TRPM3: variants seen among roughly 807,000 people sequenced by gnomAD.
TRPM3 encodes the protein transient receptor potential cation channel subfamily M member 3, also known as long transient receptor potential channel 3.
In TRPM3, 77 loss-of-function variants were observed where a neutral mutation model predicts 181.2. The observed-to-expected ratio is 0.42, with a 90% CI of 0.35 to 0.51. The LOEUF is 0.51. Among genes scored for constraint, TRPM3 ranks in the 20% least tolerant of loss-of-function variants. The pLI, the probability that TRPM3 is intolerant of heterozygous loss-of-function variation, is 0.01. For synonymous variants in TRPM3, 745 were observed against 796.4 expected, an observed-to-expected ratio of 0.94 and a Z score of 1.09; for missense variants, 1,759 against 2,196.7, an observed-to-expected ratio of 0.80 and a Z score of 3.98.
intron 5 of TRPM3, among the ~76,000 whole-genome samples, chr9:70,828,597 A>T (rs1416830439): frequency 6.6e-6 from 1 of 152,136 alleles, no homozygotes; most frequent in Non-Finnish European, 1.5e-5. Flanking sequence ...GATATGAATC[A>T]GGCCCAAAAT....
At chr9:70,907,859 T>A (rs1429658942) in intron 1 of TRPM3, among the ~76,000 whole-genome samples, 1 of 152,214 alleles carries the variant, frequency 6.6e-6, no homozygotes, top group Admixed American at 6.5e-5. Flanking sequence ...TCCAGCTGCA[T>A]CTACGCTGCT....
intron 25 of TRPM3, among the ~76,000 whole-genome samples, chr9:70,545,634 C>T (rs1319074828): frequency 1.3e-5 from 2 of 149,048 alleles, no homozygotes; most frequent in Non-Finnish European, 3.0e-5. Context: ...GCAGCCTCCA[C>T]CTCCCGGGTT....
At chr9:70,840,155 C>T (rs543164134) in intron 5 of TRPM3, among the ~76,000 whole-genome samples, 1 of 152,208 alleles carries the variant, frequency 6.6e-6, no homozygotes, top group Non-Finnish European at 1.5e-5. Context: ...GTCATAAATC[C>T]TGTACACCAA....
intron 1 of TRPM3, among the ~76,000 whole-genome samples, chr9:71,201,560 G>A (rs866279964): frequency 2.4e-4 from 36 of 152,258 alleles, no homozygotes; most frequent in Non-Finnish European, 4.4e-4. Context: ...TTTCTTGGAG[G>A]CTTTGTTCGT....
intron 1 of TRPM3, among the ~76,000 whole-genome samples, chr9:71,349,584 G>A (rs2091483808): frequency 6.6e-6 from 1 of 152,098 alleles, no homozygotes; most frequent in South Asian, 2.1e-4. Context: ...GTGTACGTTT[G>A]CCAAAACCAA....
chr9:71,328,157 C>CTGTTTTT (rs745499895), intron 1 of TRPM3, among the ~76,000 whole-genome samples: 23 of 151,426 alleles, frequency 1.5e-4, no homozygotes, highest in Non-Finnish European at 2.7e-4. Flanking sequence ...TCTGACCTCT[C>CTGTTTTT]TGTTTTTTGT....
At chr9:71,352,445 T>C (rs2091694997) in intron 1 of TRPM3, among the ~76,000 whole-genome samples, 1 of 152,130 alleles carries the variant, frequency 6.6e-6, no homozygotes, top group South Asian at 2.1e-4. Flanking sequence ...AAATGATGAT[T>C]CTCTGTTTAT....
chr9:70,654,046 A>G (rs1290101278), intron 9 of TRPM3, among the ~76,000 whole-genome samples: 1 of 150,560 alleles, frequency 6.6e-6, no homozygotes, highest in African/African-American at 2.4e-5. Flanking sequence ...GTGGCTAAGC[A>G]CAGTTTACAG....
chr9:71,071,929 C>G (rs2062821020), intron 1 of TRPM3, among the ~76,000 whole-genome samples: 1 of 152,128 alleles, frequency 6.6e-6, no homozygotes, highest in Admixed American at 6.5e-5. Flanking sequence ...GGAGACATCA[C>G]AGAAGTCCTC....
rs75672052 is a variant in TRPM3 at position 71,280,369 on chromosome 9, C to A, written c.183+166284G>T. ...AATGTTTGTGGAAAAATATTCCCCA[C>A]ATGGAAAATTTCCCAATGGGAACAT... On this transcript the variant is annotated intron_variant, in intron 1 of 24. Coordinates refer to the TRPM3 transcript ENST00000357533. Among the ~76,000 whole-genome samples the A allele has an allele frequency of 4.6e-5, 7 of 152,228 alleles. No individual in the cohort carries two copies. The East Asian group carries it at 1.4e-3, about 29-fold the overall frequency.
At chr9:70,982,484 T>G (rs2097373040) in intron 1 of TRPM3, among the ~76,000 whole-genome samples, 1 of 152,176 alleles carries the variant, frequency 6.6e-6, no homozygotes, top group African/African-American at 2.4e-5. Context: ...TCAGTCCCTC[T>G]CCTCCAGTCT....
intron 1 of TRPM3, among the ~76,000 whole-genome samples, chr9:71,097,828 T>C (rs900586970): frequency 6.6e-6 from 1 of 152,076 alleles, no homozygotes; most frequent in East Asian, 1.9e-4. Context: ...CCAATAGATG[T>C]TGGGGCCAAG....
intron 1 of TRPM3, among the ~76,000 whole-genome samples, chr9:71,288,973 T>A (rs2085542325): frequency 6.6e-6 from 1 of 152,170 alleles, no homozygotes; most frequent in Non-Finnish European, 1.5e-5. Context: ...CAAGTCCAGT[T>A]GTGTTTTGGG....
intron 1 of TRPM3, among the ~76,000 whole-genome samples, chr9:71,290,088 A>G (rs1344134102): frequency 6.6e-6 from 1 of 151,340 alleles, no homozygotes; most frequent in Non-Finnish European, 1.5e-5. Flanking sequence ...CAAAAAAAGG[A>G]GAGAAGCTCA....
intron 9 of TRPM3, among the ~76,000 whole-genome samples, chr9:70,679,800 C>CCGA (rs2064971287): frequency 6.6e-6 from 1 of 152,180 alleles, no homozygotes; most frequent in African/African-American, 2.4e-5. Flanking sequence ...ATGTCAGTTA[C>CCGA]TGACATTATT....
At chr9:71,413,019 G>C (rs915273624) in intron 1 of TRPM3, among the ~76,000 whole-genome samples, 1 of 152,066 alleles carries the variant, frequency 6.6e-6, no homozygotes, top group African/African-American at 2.4e-5. Flanking sequence ...AACACCGCAT[G>C]TTCTCACTCA....
intron 6 of TRPM3, among the ~76,000 whole-genome samples, chr9:70,823,813 G>T (rs568221178): frequency 6.6e-6 from 1 of 152,308 alleles, no homozygotes; most frequent in South Asian, 2.1e-4. Context: ...ATTGTTCCTT[G>T]CATATTAAAT....
At chr9:70,605,490 G>A (rs1228828900) in intron 19 of TRPM3, among the ~76,000 whole-genome samples, 2 of 148,596 alleles carry the variant, frequency 1.3e-5, no homozygotes, top group South Asian at 2.1e-4. Context: ...CTATGCCTAA[G>A]TTCCTACCCC....
intron 1 of TRPM3, among the ~76,000 whole-genome samples, chr9:71,307,147 T>C (rs1337324212): frequency 6.6e-6 from 1 of 152,260 alleles, no homozygotes; most frequent in African/African-American, 2.4e-5. Flanking sequence ...TCAAAGGCCA[T>C]GAACACTTCT....
Sources: gnomAD v4.1 joint callset for allele counts (sites outside exome capture counted in the v4.1 genomes callset) on GRCh38, gnomAD v4.1.1 for gene constraint, MANE v1.5 for transcripts, NCBI Gene and HGNC (gene_info 2026-07-23, HGNC 2026-07-21) for gene names.